The following MORN1 variants were observed in gnomAD, a reference collection of about 807,000 sequenced individuals.
The protein encoded by MORN1 is MORN repeat containing 1.
A neutral mutation model predicts 61.9 loss-of-function variants in MORN1; 67 were observed. The ratio of observed to expected loss-of-function variants is 1.08; its 90% confidence interval spans 0.89 to 1.33. The LOEUF is 1.33. Among genes scored for constraint, MORN1 ranks in the 40% most tolerant of loss-of-function variants. The pLI is 0.00. For synonymous variants in MORN1, 301 were observed against 292.0 expected, an observed-to-expected ratio of 1.03 and a Z score of -0.31; for missense variants, 752 against 691.2, an observed-to-expected ratio of 1.09 and a Z score of -0.99.
At chr1:2,329,456 A>G (rs1641101720) in intron 12 of MORN1, among the ~76,000 whole-genome samples, 1 of 152,170 alleles carries the variant, frequency 6.6e-6, no homozygotes, top group Non-Finnish European at 1.5e-5. Context: ...CCCTCCCTGC[A>G]GCCGATCCCA....
intron 6 of MORN1, 157 bp from the exon 7 acceptor site, chr1:2,374,714 G>A (rs1225032362): frequency 5.1e-6 from 3 of 592,648 alleles, no homozygotes; most frequent in South Asian, 2.2e-5. Context: ...CCTGTCCCTC[G>A]GTGGTGAGAA....
intron 12 of MORN1, among the ~76,000 whole-genome samples, chr1:2,327,821 C>T (rs1038058016): frequency 2.6e-5 from 4 of 152,266 alleles, no homozygotes; most frequent in Non-Finnish European, 5.9e-5. Flanking sequence ...GCCCATTGGC[C>T]GAATTGGCCG....
intron 6 of MORN1, among the ~76,000 whole-genome samples, chr1:2,381,359 C>A (rs943296848): frequency 2.0e-4 from 31 of 152,348 alleles, no homozygotes; most frequent in African/African-American, 7.2e-4. Flanking sequence ...AGCTCACTGG[C>A]CATGGTCTGC....
rs78617234 is a variant in MORN1, at chr1:2,327,880, C to T, written c.1251-3737G>A. Among the ~76,000 whole-genome samples the T allele has an allele frequency of 4.2e-3, 633 of 152,388 alleles. 5 individuals are homozygous for T. In the East Asian group the frequency reaches 0.053, roughly 13 times the overall value. ...CCCAAGGCCCCGCATCGCGCCTCGG[C>T]GTCCCCGCATGAGCTCCTGGTCTTG... On this transcript the variant is annotated intron_variant, in intron 12 of 13. Transcript: ENST00000378531.
At position 2,321,350 on chromosome 1, in the gene MORN1, C is replaced by G; in HGVS notation, c.*33G>C. 1 of 1,407,088 alleles carries G rather than the reference C, an allele frequency of 7.1e-7. No homozygotes were observed. Among genetic ancestry groups the G allele is most frequent in the Non-Finnish European group, 9.4e-7 (1 of 1,058,220 alleles). The allele number at this position is 1,407,088 out of a possible 1,614,324, so 87.2% of individuals were successfully genotyped here. On this transcript the variant is annotated 3_prime_UTR_variant, in exon 14 of 14. Coordinates refer to ENST00000378531, the MANE Select transcript of MORN1 (RefSeq NM_024848.3). Reference sequence around the variant, plus strand: ...AGCAGAGGCAGCGTTTCCTTCCATTCACACCGAGGTGGCCTCCTGTGGACA... The same window carrying G: ...AGCAGAGGCAGCGTTTCCTTCCATTGACACCGAGGTGGCCTCCTGTGGACA...
intron 8 of MORN1, chr1:2,371,302 G>A (rs1642117692): frequency 6.6e-6 from 1 of 152,154 alleles, no homozygotes; most frequent in Admixed American, 6.5e-5. Context: ...CGAAGTGCTG[G>A]GATTTTAGGT....
At chr1:2,325,732 C>T (rs945241121) in intron 12 of MORN1, among the ~76,000 whole-genome samples, 1 of 150,476 alleles carries the variant, frequency 6.6e-6, no homozygotes, top group African/African-American at 2.5e-5. Flanking sequence ...TGGCTCACTG[C>T]AGACTCAACC....
chr1:2,324,135 C>A lies in MORN1; in HGVS notation c.1259G>T (p.Gly420Val). 4 of 1,600,028 alleles carry A rather than the reference C, an allele frequency of 2.5e-6. No homozygotes were observed. The highest frequency in any genetic ancestry group is 2.6e-6 in the Non-Finnish European group (3 of 1,174,604). ...QEPPGGSRPE[G>V]RATEEQAAAA... ...CGCAGCCTGCTCCTCCGTGGCTCTCCCCTCAGGCCTGTGGAGACGACACAG... is the reference window on the plus strand; with the variant it reads ...CGCAGCCTGCTCCTCCGTGGCTCTCACCTCAGGCCTGTGGAGACGACACAG... The change falls in exon 13 of 14, where the codon GGG becomes GTG. Residue 420 changes from glycine to valine, a missense_variant. Gly to Val is a moderately radical substitution (Grantham distance 109). Coordinates refer to ENST00000378531, the MANE Select transcript of MORN1 (RefSeq NM_024848.3).
At chr1:2,335,712 G>A (rs1641250537) in intron 12 of MORN1, among the ~76,000 whole-genome samples, 1 of 152,148 alleles carries the variant, frequency 6.6e-6, no homozygotes, top group Non-Finnish European at 1.5e-5. Flanking sequence ...GTGGGAGCGG[G>A]GCGGGTGCTG....
chr1:2,390,019 C>T (rs1570061932), intron 1 of MORN1, 23 bp from the exon 2 acceptor site: 1 of 1,592,882 alleles, frequency 6.3e-7, no homozygotes, highest in Admixed American at 1.7e-5. Flanking sequence ...AAGACACACA[C>T]AGGTAAGCAC....
intron 8 of MORN1, among the ~76,000 whole-genome samples, chr1:2,361,852 C>T (rs1026136203): frequency 6.6e-6 from 1 of 152,180 alleles, no homozygotes; most frequent in African/African-American, 2.4e-5. Context: ...TTGATTAACA[C>T]ATATTGTGTA....
intron 3 of MORN1, chr1:2,388,016 G>A (rs1642546618): frequency 7.5e-6 from 4 of 531,508 alleles, no homozygotes; most frequent in South Asian, 2.8e-5. Flanking sequence ...ACTTGGGACA[G>A]ATAAATCTTT....
At chr1:2,340,625 G>A (rs12730391) in intron 10 of MORN1, among the ~76,000 whole-genome samples, 31,367 of 152,206 alleles carry the variant, frequency 0.21, 3,614 homozygotes, top group Non-Finnish European at 0.27. Flanking sequence ...AGCACATGGA[G>A]GACTCAAGGC....
chr1:2,324,960 T>G lies in MORN1; in HGVS notation c.1251-817A>C, dbSNP rs549851038. ...GCCCTGGCGGGGAGGAGGCAGTCCC[T>G]GCACGTGAGGAAGCTGGGCCCGGCA... On this transcript the variant is annotated intron_variant, in intron 12 of 13. Coordinates refer to ENST00000378531, the MANE Select transcript of MORN1 (RefSeq NM_024848.3). Among the ~76,000 whole-genome samples, 3 of 117,274 alleles carry G rather than the reference T, an allele frequency of 2.6e-5. No individual in the cohort carries two copies. In the South Asian group the frequency reaches 9.1e-4, roughly 36 times the overall value. The allele number at this position is 117,274 out of a possible 152,430, so 76.9% of individuals were successfully genotyped here.
intron 10 of MORN1, chr1:2,350,302 T>C (rs1175007233): frequency 6.6e-6 from 1 of 152,214 alleles, no homozygotes; most frequent in East Asian, 1.9e-4. Flanking sequence ...AAATCCTTAT[T>C]TGAAAGTTAA....
At chr1:2,335,834 A>AGCCCGGCCCAGCCCG (rs893953785) in intron 12 of MORN1, among the ~76,000 whole-genome samples, 5 of 143,018 alleles carry the variant, frequency 3.5e-5, no homozygotes, top group African/African-American at 1.5e-4. Context: ...TCCATAGCCC[A>AGCCCGGCCCAGCCCG]GCCCAGCCCA....
At chr1:2,363,444 A>T (rs1569997367) in intron 8 of MORN1, 1 of 152,208 alleles carries the variant, frequency 6.6e-6, no homozygotes, top group East Asian at 1.9e-4. Flanking sequence ...AAATAACAAA[A>T]CAAAGAGTTA....
chr1:2,324,714 G>T (rs1339893458), intron 12 of MORN1, among the ~76,000 whole-genome samples: 2 of 152,140 alleles, frequency 1.3e-5, no homozygotes, highest in African/African-American at 2.4e-5. Context: ...GGGCCTCCCC[G>T]TGGAGACACT....
chr1:2,323,301 C>T (rs1371227585), intron 13 of MORN1: 11 of 985,306 alleles, frequency 1.1e-5, no homozygotes, highest in African/African-American at 7.0e-5. Context: ...TCTCCCGCTG[C>T]GCCAGAGGCA....
Sources: allele counts gnomAD v4.1 joint callset (sites outside exome capture counted in the v4.1 genomes callset), GRCh38; gene constraint gnomAD v4.1.1; transcripts MANE v1.5; gene names NCBI Gene and HGNC (gene_info 2026-07-23, HGNC 2026-07-21).